DAAM2: variants seen among roughly 807,000 people sequenced by gnomAD.
The protein encoded by DAAM2 is disheveled-associated activator of morphogenesis 2.
DAAM2 carries 39 observed loss-of-function variants against 120.7 expected under a neutral mutation model. The observed-to-expected ratio is 0.32, with a 90% CI of 0.25 to 0.42. The LOEUF (loss-of-function observed/expected upper bound fraction) is 0.42, where lower values mean the gene tolerates loss of function less well. Among genes scored for constraint, DAAM2 ranks in the 10% least tolerant of loss-of-function variants. The pLI is 1.00. For synonymous variants in DAAM2, 488 were observed against 524.9 expected (o/e 0.93, Z 0.96); for missense variants, 1,283 against 1,401.7 (o/e 0.92, Z 1.35).
At position 39,903,628 on chromosome 6, in the gene DAAM2, A is replaced by C. The variant is rs1435579709; in HGVS notation, c.*1591A>C. The C allele has an allele frequency of 1.3e-5, 2 of 155,852 alleles. No individual in the cohort carries two copies. The highest frequency in any genetic ancestry group is 4.8e-5 in the African/African-American group (2 of 41,392). 9.7% of individuals were successfully genotyped at this position (155,852 alleles called of 1,614,324 possible). On this transcript the variant is annotated 3_prime_UTR_variant, in exon 25 of 25. Coordinates refer to ENST00000274867, the MANE Select transcript of DAAM2 (RefSeq NM_001201427.2). ...CCCTTCCCTGTGTTTCTCACTTTCC[A>C]ACCTAATCCCTGGCTCAGGGTTATT... is the stretch of plus-strand genomic sequence containing the variant.
Position 39,878,346 on chromosome 6 carries a change from A to G in DAAM2, c.1361-58A>G. 1 of 1,609,830 alleles carries G rather than the reference A, an allele frequency of 6.2e-7. No individual in the cohort carries two copies. The highest frequency in any genetic ancestry group is 8.5e-7 in the Non-Finnish European group (1 of 1,177,180). ...TAACTCCATGCCCTTCCAGGCAGGGAGTCACATTACTCACATTCTCTCCTT... is the reference window on the plus strand; with the variant it reads ...TAACTCCATGCCCTTCCAGGCAGGGGGTCACATTACTCACATTCTCTCCTT... On this transcript the variant is annotated intron_variant, in intron 12 of 24. Transcript: ENST00000274867. The surrounding 1 kb of genome is among the most constrained non-coding windows in gnomAD (Gnocchi z 5.0).
intron 1 of DAAM2, among the ~76,000 whole-genome samples, chr6:39,833,601 C>T (rs1479353397): frequency 1.3e-5 from 2 of 152,176 alleles, no homozygotes; most frequent in African/African-American, 4.8e-5. Context: ...AGCTACCACG[C>T]ACAGCCTATA....
chr6:39,831,799 G>T (rs1467602548), intron 1 of DAAM2, among the ~76,000 whole-genome samples: 2 of 57,734 alleles, frequency 3.5e-5, no homozygotes, highest in Non-Finnish European at 6.6e-5. Context: ...GTGCACTGGG[G>T]GGGGGCAGGT....
intron 5 of DAAM2, among the ~76,000 whole-genome samples, chr6:39,866,055 A>T (rs938863170): frequency 6.6e-6 from 1 of 152,212 alleles, no homozygotes; most frequent in Non-Finnish European, 1.5e-5. Flanking sequence ...AAAGCTAGCC[A>T]TCCATTGCAT....
At chr6:39,844,840 G>C (rs1053134752) in intron 1 of DAAM2, among the ~76,000 whole-genome samples, 3 of 147,908 alleles carry the variant, frequency 2.0e-5, no homozygotes, top group African/African-American at 7.5e-5. Flanking sequence ...GTACAAGCAT[G>C]TGTGTTTGCT....
Position 39,856,479 on chromosome 6 carries a change from GA to G in DAAM2, c.168+10del. On this transcript the variant is annotated intron_variant, in intron 2 of 24. Transcript: ENST00000274867. ...GCTTTGCAGAGCTGGTGGTCAGTGA[GA>G]GGGTGGGGAGAGACAGTGACAATGG... 1 of 1,433,000 alleles carries G rather than the reference GA, an allele frequency of 7.0e-7. No individual in the cohort carries two copies. The highest frequency in any genetic ancestry group is 1.5e-5 in the African/African-American group (1 of 68,280). The allele number at this position is 1,433,000 out of a possible 1,614,324, so 88.8% of individuals were successfully genotyped here.
Position 39,864,446 on chromosome 6 carries a change from C to G in DAAM2, c.272C>G (p.Pro91Arg). Reference sequence around the variant, plus strand: ...TTCTTGTTTCAGGAGCAGGAGGACCCCAACAAGCTGGCAACCAGCTGGCCT... The same window carrying G: ...TTCTTGTTTCAGGAGCAGGAGGACCGCAACAAGCTGGCAACCAGCTGGCCT... ...YCSKKKEQEDPNKLATSWPDY... is the reference protein window; with the variant it reads ...YCSKKKEQEDRNKLATSWPDY... The change falls in exon 4 of 25, where the codon CCC becomes CGC. Residue 91 changes from proline to arginine, a missense_variant. Pro to Arg is a moderately radical substitution (Grantham distance 103). Transcript: ENST00000274867. The G allele has an allele frequency of 6.2e-7, 1 of 1,612,916 alleles. No homozygotes were observed. Among genetic ancestry groups the G allele is most frequent in the Non-Finnish European group, 8.5e-7 (1 of 1,179,750 alleles).
chr6:39,873,263 C>A lies in DAAM2; in HGVS notation c.1070C>A (p.Ser357Tyr), dbSNP rs1481935488. 6.2e-7 allele frequency: 1 copy of A among 1,613,128 alleles called. No homozygotes were observed. The highest frequency in any genetic ancestry group is 1.7e-5 in the Admixed American group (1 of 59,944). ...DMVHIDTKSA[S>Y]QMFELIHKKL... is the part of the protein sequence containing the mutation. ...GTCCACATCGACACCAAGAGTGCTTCCCAGATGTTTGAGTTGATCCACAAG... is the reference window on the plus strand; with the variant it reads ...GTCCACATCGACACCAAGAGTGCTTACCAGATGTTTGAGTTGATCCACAAG... The change falls in exon 10 of 25, where the codon TCC becomes TAC. Residue 357 changes from serine (S) to tyrosine (Y), a missense_variant. Physicochemically the swap from Ser to Tyr is moderately radical, Grantham distance 144. Transcript: ENST00000274867.
At chr6:39,820,030 C>A (rs1762436707) in intron 1 of DAAM2, 1 of 152,294 alleles carries the variant, frequency 6.6e-6, no homozygotes, top group African/African-American at 2.4e-5. Flanking sequence ...TAATGTTCAA[C>A]ACTCTGCTCG....
chr6:39,834,776 C>G (rs1763043343), intron 1 of DAAM2, among the ~76,000 whole-genome samples: 2 of 152,148 alleles, frequency 1.3e-5, no homozygotes, highest in African/African-American at 2.4e-5. Flanking sequence ...TTTCCAAAAG[C>G]TCCAATGCCC....
chr6:39,814,949 G>A (rs1190023013), intron 1 of DAAM2, among the ~76,000 whole-genome samples: 2 of 152,228 alleles, frequency 1.3e-5, no homozygotes, highest in East Asian at 3.8e-4. Context: ...GTGACCAGAT[G>A]TCACCCGAGG....
intron 7 of DAAM2, 39 bp downstream of exon 7, chr6:39,868,972 T>C: frequency 1.4e-6 from 2 of 1,417,390 alleles, no homozygotes; most frequent in Non-Finnish European, 9.8e-7. Context: ...TTCCCTGACT[T>C]TCTGGACCTG....
Position 39,904,813 on chromosome 6 carries a change from T to C in DAAM2, c.*2776T>C, listed in dbSNP as rs1435071723. ...CAGTGTCCTTTTTCACTTGCACCTT[T>C]TTTATAAGAATATATTGTAATACTA... On this transcript the variant is annotated 3_prime_UTR_variant, in exon 25 of 25. Coordinates refer to ENST00000274867, the MANE Select transcript of DAAM2 (RefSeq NM_001201427.2). 1 of 454,010 alleles carries C rather than the reference T, an allele frequency of 2.2e-6. No individual in the cohort carries two copies. The highest frequency in any genetic ancestry group is 2.0e-5 in the African/African-American group (1 of 50,018). The allele number at this position is 454,010 out of a possible 1,614,324, so 28.1% of individuals were successfully genotyped here.
At position 39,853,123 on chromosome 6, in the gene DAAM2, A is replaced by C. The variant is rs142087411; in HGVS notation, c.-56-3124A>C. On this transcript the variant is annotated intron_variant, in intron 1 of 24. Coordinates refer to ENST00000274867, the MANE Select transcript of DAAM2 (RefSeq NM_001201427.2). ...CTGGCTGCTGGAATCCTGGGTTTTAATCTCAGCTCTGTTCCTAGGCCTGTG... is the reference window on the plus strand; with the variant it reads ...CTGGCTGCTGGAATCCTGGGTTTTACTCTCAGCTCTGTTCCTAGGCCTGTG... Among the ~76,000 whole-genome samples, 417 of 152,268 alleles carry C rather than the reference A, an allele frequency of 2.7e-3. 1 individual carries two copies. The highest frequency in any genetic ancestry group is 9.5e-3 in the African/African-American group (396 of 41,554).
chr6:39,832,747 G>T (rs1354985072), intron 1 of DAAM2, among the ~76,000 whole-genome samples: 1 of 152,278 alleles, frequency 6.6e-6, no homozygotes, highest in South Asian at 2.1e-4. Context: ...CCTGGGGGCT[G>T]CAGGGTTTCT....
chr6:39,879,137 G>A (rs992201114), intron 13 of DAAM2, 41 bp from the exon 14 acceptor site: 1 of 1,350,220 alleles, frequency 7.4e-7, no homozygotes. Flanking sequence ...TGGCAACGGT[G>A]CTGATGGCTT....
chr6:39,803,193 T>A (rs1158662009), intron 1 of DAAM2, among the ~76,000 whole-genome samples: 1 of 152,244 alleles, frequency 6.6e-6, no homozygotes, highest in African/African-American at 2.4e-5. Context: ...TTTCTTGGTA[T>A]ATTCCTGGGA....
At chr6:39,818,815 G>GC (rs1447479860) in intron 1 of DAAM2, 2 of 152,176 alleles carry the variant, frequency 1.3e-5, no homozygotes, top group Non-Finnish European at 2.9e-5. Context: ...GGGCTCAGGA[G>GC]CCAGCTGTCG....
intron 8 of DAAM2, among the ~76,000 whole-genome samples, chr6:39,870,773 G>C (rs1764628695): frequency 6.6e-6 from 1 of 152,140 alleles, no homozygotes; most frequent in Admixed American, 6.5e-5. Context: ...TGGTTGTTGG[G>C]GGCCAGGAAT....
Sources: allele counts gnomAD v4.1 joint callset (sites outside exome capture counted in the v4.1 genomes callset), GRCh38; gene constraint gnomAD v4.1.1; non-coding constraint Gnocchi (gnomAD v3.1); transcripts MANE v1.5; gene names NCBI Gene and HGNC (gene_info 2026-07-23, HGNC 2026-07-21).